Variants in CMYA5 observed in about 807,000 individuals in gnomAD.
The protein encoded by CMYA5 is cardiomyopathy-associated protein 5.
In CMYA5, 246 loss-of-function variants were observed where a neutral mutation model predicts 318.9. The ratio of observed to expected loss-of-function variants is 0.77; its 90% CI spans 0.70 to 0.86. The LOEUF is 0.86. CMYA5 is among the 40% of genes least tolerant of loss of function. CMYA5 has a pLI of 0.00. For missense variants in CMYA5, 4,589 were observed against 4,678.2 expected (o/e 0.98, Z 0.56); for synonymous variants, 1,641 against 1,729.5 (o/e 0.95, Z 1.27).
At chr5:79,788,947 T>C in intron 9 of CMYA5, 24 bp from the exon 10 acceptor site, 1 of 1,607,990 alleles carries the variant, frequency 6.2e-7, no homozygotes, top group Non-Finnish European at 8.5e-7. Flanking sequence ...ATGTTTAAAA[T>C]TATTATTTTC....
intron 1 of CMYA5, among the ~76,000 whole-genome samples, chr5:79,714,431 C>CTTTTTCTTTTTTTTTTTT (rs767402291): frequency 2.0e-5 from 2 of 100,678 alleles, no homozygotes; most frequent in East Asian, 3.3e-4. Flanking sequence ...TTTTCTTTTT[C>CTTTTTCTTTTTTTTTTTT]TTTTTTTTTT....
rs779844047 is a variant in CMYA5 at position 79,793,509 on chromosome 5, C to T, written c.11862C>T (p.Cys3954=). ...QHYWETTVTD[C]PAYRLGICSS... ...ACTGGGAAACCACAGTCACAGACTG[C>T]CCAGCATATCGACTCGGCATCTGCT... is the stretch of plus-strand genomic sequence containing the variant. The change falls in exon 12 of 13, where the codon TGC becomes TGT. Residue 3954 remains cysteine, a synonymous_variant. Coordinates refer to ENST00000446378, the MANE Select transcript of CMYA5 (RefSeq NM_153610.5). The T allele has an allele frequency of 2.5e-6, 4 of 1,613,802 alleles. No homozygotes were observed. Among genetic ancestry groups the T allele is most frequent in the Non-Finnish European group, 3.4e-6 (4 of 1,179,844 alleles).
At position 79,729,173 on chromosome 5, in the gene CMYA5, T is replaced by G. The variant is rs886403941; in HGVS notation, c.408T>G (p.His136Gln). 2.5e-6 allele frequency: 4 copies of G among 1,612,702 alleles called. No homozygotes were observed. The highest frequency in any genetic ancestry group is 3.4e-6 in the Non-Finnish European group (4 of 1,179,580). ...DEVKKVRKRT[H>Q]KSKHGSPSLR... ...TGAAAAAGGTTCGGAAAAGGACTCA[T>G]AAGTCAAAGCATGGTTCACCATCAT... is the stretch of plus-strand genomic sequence containing the variant. Residue 136 changes from histidine to glutamine, a missense_variant, in exon 2 of 13, where the codon CAT becomes CAG. This residue lies in a region of CMYA5 where 2,132 missense variants were observed against 2,131.3 expected (regional missense o/e 1.00). Transcript: ENST00000446378.
chr5:79,732,262 C>T lies in CMYA5; in HGVS notation c.3497C>T (p.Pro1166Leu). The T allele has an allele frequency of 6.2e-7, 1 of 1,613,904 alleles. No individual in the cohort carries two copies. The highest frequency in any genetic ancestry group is 1.3e-5 in the African/African-American group (1 of 75,026). The change falls in exon 2 of 13, where the codon CCT becomes CTT. Residue 1166 changes from proline (P) to leucine (L), a missense_variant. Physicochemically the swap from Pro to Leu is moderately conservative, Grantham distance 98 (BLOSUM62 -3). Transcript: ENST00000446378. ...TCTATAGTAAAGGAAGAAACCAAAC[C>T]TGCATCTCCACATTCAGTTTTACCT... ...QSSIVKEETK[P>L]ASPHSVLPDS...
chr5:79,738,276 T>C lies in CMYA5; in HGVS notation c.9511T>C (p.Phe3171Leu), dbSNP rs562687992. ...AGGAGTTCTATCACGAACCCAGATA[T>C]TTCCTACCACTATTAAAGTCATTGA... ...EEGVLSRTQI[F>L]PTTIKVIDPE... Residue 3171 changes from phenylalanine to leucine, a missense_variant, in exon 2 of 13, where the codon TTT becomes CTT. Coordinates refer to ENST00000446378, the MANE Select transcript of CMYA5 (RefSeq NM_153610.5). The C allele has an allele frequency of 8.7e-6, 14 of 1,613,554 alleles. No individual in the cohort carries two copies. Among genetic ancestry groups the C allele is most frequent in the Non-Finnish European group, 1.1e-5 (13 of 1,179,776 alleles).
intron 1 of CMYA5, among the ~76,000 whole-genome samples, chr5:79,703,533 T>G (rs1827212232): frequency 6.6e-6 from 1 of 152,226 alleles, no homozygotes; most frequent in African/African-American, 2.4e-5. Flanking sequence ...CTAAAGCCTT[T>G]TGGTCTGTAT....
chr5:79,745,867 C>T (rs1172327283), intron 4 of CMYA5, among the ~76,000 whole-genome samples: 1 of 152,184 alleles, frequency 6.6e-6, no homozygotes. Flanking sequence ...TGGGCTGTTC[C>T]CCCTCTGAGC....
At chr5:79,700,468 C>T (rs1250435510) in intron 1 of CMYA5, among the ~76,000 whole-genome samples, 1 of 152,158 alleles carries the variant, frequency 6.6e-6, no homozygotes, top group Non-Finnish European at 1.5e-5. Flanking sequence ...GCCCCTCAAA[C>T]CATGCCTTAA....
At chr5:79,757,256 T>C (rs1157814034) in intron 6 of CMYA5, among the ~76,000 whole-genome samples, 1 of 152,162 alleles carries the variant, frequency 6.6e-6, no homozygotes, top group African/African-American at 2.4e-5. Context: ...TCCTCTAATT[T>C]GTAAAATATG....
rs756797881 is a variant in CMYA5, at chr5:79,730,768, T to C, written c.2003T>C (p.Leu668Pro). 6.2e-7 allele frequency: 1 copy of C among 1,613,872 alleles called. No homozygotes were observed. Among genetic ancestry groups the C allele is most frequent in the Admixed American group, 1.7e-5 (1 of 60,006 alleles). Residue 668 changes from leucine to proline, a missense_variant, in exon 2 of 13, where the codon CTG becomes CCG. Transcript: ENST00000446378. ...AAGACTTCAGAGAACCAGTCTCCAC[T>C]GTTTTCAACAGTTACACCAGAATAC... ...TEKTSENQSP[L>P]FSTVTPEYMV...
intron 1 of CMYA5, among the ~76,000 whole-genome samples, chr5:79,704,531 T>C (rs910357095): frequency 1.3e-5 from 2 of 152,182 alleles, no homozygotes; most frequent in African/African-American, 4.8e-5. Flanking sequence ...ATTTTTGTTC[T>C]CTTGGATATA....
At chr5:79,758,948 T>C (rs1421852619) in intron 7 of CMYA5, 46 bp downstream of exon 7, 2 of 1,448,172 alleles carry the variant, frequency 1.4e-6, no homozygotes, top group South Asian at 3.0e-5. Context: ...TATTCATGCA[T>C]CTTCATGTGA....
At chr5:79,791,955 A>G (rs1176804553) in intron 11 of CMYA5, among the ~76,000 whole-genome samples, 2 of 152,204 alleles carry the variant, frequency 1.3e-5, no homozygotes, top group Admixed American at 6.5e-5. Flanking sequence ...TGAAAACTGT[A>G]ACACACGGGA....
intron 5 of CMYA5, among the ~76,000 whole-genome samples, chr5:79,747,941 A>G (rs948739889): frequency 1.3e-5 from 2 of 152,210 alleles, no homozygotes; most frequent in Non-Finnish European, 2.9e-5. Context: ...AGAAATTTGT[A>G]TCTATAATGT....
At chr5:79,700,725 T>A (rs1470189629) in intron 1 of CMYA5, among the ~76,000 whole-genome samples, 1 of 152,168 alleles carries the variant, frequency 6.6e-6, no homozygotes, top group African/African-American at 2.4e-5. Context: ...ATTATTCGGC[T>A]ATAAAAAGCA....
At position 79,734,169 on chromosome 5, in the gene CMYA5, G is replaced by T; in HGVS notation, c.5404G>T (p.Val1802Leu). 6.2e-7 allele frequency: 1 copy of T among 1,613,760 alleles called. No homozygotes were observed. Among genetic ancestry groups the T allele is most frequent in the Non-Finnish European group, 8.5e-7 (1 of 1,179,810 alleles). The change falls in exon 2 of 13, where the codon GTA (valine) becomes TTA (leucine). Residue 1802 changes from valine (V) to leucine (L), a missense_variant. Physicochemically the swap from Val to Leu is conservative, Grantham distance 32. Coordinates refer to ENST00000446378, the MANE Select transcript of CMYA5 (RefSeq NM_153610.5). ...EETGHPNSSQ[V>L]LQSITEPSKI... ...AACAGGCCACCCAAATTCATCCCAG[G>T]TACTCCAGAGTATAACAGAACCATC...
intron 5 of CMYA5, among the ~76,000 whole-genome samples, chr5:79,748,517 CTACCTAT>C (rs1561218105): frequency 7.7e-4 from 78 of 100,854 alleles, no homozygotes; most frequent in African/African-American, 2.9e-3. Flanking sequence ...ATCTATCTAT[CTACCTAT>C]CTATCTATCT....
chr5:79,797,183 A>G (rs1273758733), intron 12 of CMYA5, among the ~76,000 whole-genome samples: 1 of 152,148 alleles, frequency 6.6e-6, no homozygotes, highest in Non-Finnish European at 1.5e-5. Flanking sequence ...CGGACTGTTC[A>G]CCAACCATCC....
At chr5:79,714,561 C>T (rs138703323) in intron 1 of CMYA5, among the ~76,000 whole-genome samples, 3,147 of 151,438 alleles carry the variant, frequency 0.021, 48 homozygotes, top group Non-Finnish European at 0.033. Flanking sequence ...CCTCAGCCTC[C>T]TGAGTAGCTG....
Sources: gnomAD v4.1 joint callset for allele counts (sites outside exome capture counted in the v4.1 genomes callset) on GRCh38, gnomAD v4.1.1 for gene constraint, gnomAD v4.1.1 regional missense constraint, MANE v1.5 for transcripts, NCBI Gene and HGNC (gene_info 2026-07-23, HGNC 2026-07-21) for gene names.